Variants in NFILZ observed in about 807,000 individuals in gnomAD.
The protein encoded by NFILZ is NFIL3 like basic leucine zipper.
intron 3 of NFILZ, among the ~76,000 whole-genome samples, chr19:8,647,131 G>A (rs1339904381): frequency 6.6e-6 from 1 of 152,172 alleles, no homozygotes; most frequent in Non-Finnish European, 1.5e-5. Context: ...AGTTATGCAG[G>A]CAGCTAATAA....
chr19:8,645,996 G>C (rs2042937467), intron 3 of NFILZ, among the ~76,000 whole-genome samples: 1 of 152,160 alleles, frequency 6.6e-6, no homozygotes, highest in Non-Finnish European at 1.5e-5. Context: ...AATAATATGT[G>C]ACATTGTATA....
intron 3 of NFILZ, among the ~76,000 whole-genome samples, chr19:8,655,031 G>C (rs1475981428): frequency 1.3e-5 from 2 of 152,202 alleles, no homozygotes. Flanking sequence ...TTCTGCCTGG[G>C]ATGCCCTTTC....
intron 3 of NFILZ, among the ~76,000 whole-genome samples, chr19:8,654,167 G>A (rs2042981585): frequency 6.6e-6 from 1 of 152,118 alleles, no homozygotes; most frequent in African/African-American, 2.4e-5. Flanking sequence ...AGGTGGTGGA[G>A]GTTGCAGTGA....
At chr19:8,642,009 A>G (rs782508437) in intron 3 of NFILZ, among the ~76,000 whole-genome samples, 61 of 151,740 alleles carry the variant, frequency 4.0e-4, no homozygotes, top group Middle Eastern at 6.8e-3. Context: ...TTTTTTTTAC[A>G]TTTTATGTTT....
intron 3 of NFILZ, among the ~76,000 whole-genome samples, chr19:8,674,187 C>A (rs1297845629): frequency 6.6e-6 from 1 of 152,164 alleles, no homozygotes; most frequent in Non-Finnish European, 1.5e-5. Context: ...ACATGGTGGC[C>A]TCCTGAGCAC....
chr19:8,663,762 G>A (rs373092787), intron 3 of NFILZ, among the ~76,000 whole-genome samples: 92 of 137,714 alleles, frequency 6.7e-4, no homozygotes, highest in East Asian at 3.6e-3. Context: ...GTGTGTGTGT[G>A]TGTGTGTGTA....
At chr19:8,652,832 C>G (rs1327936878) in intron 3 of NFILZ, among the ~76,000 whole-genome samples, 2 of 145,090 alleles carry the variant, frequency 1.4e-5, no homozygotes, top group Non-Finnish European at 3.0e-5. Flanking sequence ...TTCTTTCTCA[C>G]TTTCTCTTTC....
chr19:8,645,709 G>C (rs1416845218), intron 3 of NFILZ, among the ~76,000 whole-genome samples: 1 of 152,132 alleles, frequency 6.6e-6, no homozygotes, highest in South Asian at 2.1e-4. Flanking sequence ...GGCAGTGACT[G>C]CTTTGTGGAC....
intron 3 of NFILZ, among the ~76,000 whole-genome samples, chr19:8,638,011 G>A (rs570021055): frequency 6.7e-6 from 1 of 149,100 alleles, no homozygotes; most frequent in Admixed American, 6.7e-5. Context: ...GGACTTCATA[G>A]ACCTTTCCCC....
In NFILZ at chr19:8,661,030, T is replaced by TCCCTTCCTTCCCC; in HGVS notation, c.-163-13520_-163-13519insCCTTCCTTCCCCC. 7.6e-5 allele frequency among the ~76,000 whole-genome samples: 2 copies of TCCCTTCCTTCCCC among 26,224 alleles called. 1 individual carries two copies. Among genetic ancestry groups the TCCCTTCCTTCCCC allele is most frequent in the African/African-American group, 3.3e-4 (2 of 6,148 alleles). The allele number at this position is 26,224 out of a possible 152,430, so 17.2% of individuals were successfully genotyped here. On this transcript the variant is annotated intron_variant, in intron 3 of 5. Coordinates refer to ENST00000691075, the MANE Select transcript of NFILZ (RefSeq NM_001378600.1). The stretch of plus-strand genomic sequence containing the variant: ...CCCTTCCCTTTCTTTCCTCCCTCCC[T>TCCCTTCCTTCCCC]CTCCCTCCCTTCCGTCCCCCTCCCT...
At chr19:8,658,465 A>G (rs1014593883) in intron 3 of NFILZ, among the ~76,000 whole-genome samples, 9 of 152,150 alleles carry the variant, frequency 5.9e-5, no homozygotes. Context: ...AAGTGAGGAT[A>G]ACAAAAAACA....
At chr19:8,672,284 A>G (rs1385840704) in intron 3 of NFILZ, among the ~76,000 whole-genome samples, 1 of 152,152 alleles carries the variant, frequency 6.6e-6, no homozygotes, top group Non-Finnish European at 1.5e-5. Flanking sequence ...AAAAAAATCC[A>G]TGCACTTATT....
At chr19:8,638,945 G>A (rs1555746381) in intron 3 of NFILZ, among the ~76,000 whole-genome samples, 2 of 151,388 alleles carry the variant, frequency 1.3e-5, no homozygotes, top group Admixed American at 1.3e-4. Flanking sequence ...CCGGGTTCAA[G>A]GGATCCTCCT....
Position 8,679,522 on chromosome 19 carries a change from G to A in NFILZ, c.*1887G>A, listed in dbSNP as rs1229035642. 6.6e-6 allele frequency among the ~76,000 whole-genome samples: 1 copy of A among 152,066 alleles called. No homozygotes were observed. The highest frequency in any genetic ancestry group is 1.5e-5 in the Non-Finnish European group (1 of 68,022). ...CTCCAAGTTTATCAGAGCCACAAAT[G>A]TGTGCAGGGTGAGGACGTACAAAGT... is the stretch of plus-strand genomic sequence containing the variant. On this transcript the variant is annotated 3_prime_UTR_variant, in exon 6 of 6. Transcript: ENST00000691075.
chr19:8,665,813 C>T (rs1223881680), intron 3 of NFILZ, among the ~76,000 whole-genome samples: 1 of 152,184 alleles, frequency 6.6e-6, no homozygotes, highest in Non-Finnish European at 1.5e-5. Flanking sequence ...ATGAGTATTT[C>T]CCTTGTAAGC....
chr19:8,647,835 A>C (rs2042948315), intron 3 of NFILZ, among the ~76,000 whole-genome samples: 1 of 137,626 alleles, frequency 7.3e-6, no homozygotes, highest in African/African-American at 2.7e-5. Flanking sequence ...ACACACACAC[A>C]CAACTGGGGC....
intron 3 of NFILZ, among the ~76,000 whole-genome samples, chr19:8,656,359 A>AAGCCCACCTTCTCCCTGC (rs2042997384): frequency 1.2e-5 from 1 of 83,718 alleles, no homozygotes; most frequent in Non-Finnish European, 2.8e-5. Context: ...CTCTTCCCTG[A>AAGCCCACCTTCTCCCTGC]AGCCCACCTT....
Position 8,658,020 on chromosome 19 carries a change from G to T in NFILZ, c.-163-16531G>T, listed in dbSNP as rs118127011. Among the ~76,000 whole-genome samples the T allele has an allele frequency of 8.5e-3, 1,288 of 152,268 alleles. 53 individuals carry two copies. Among genetic ancestry groups the T allele is most frequent in the Admixed American group, 0.062 (945 of 15,278 alleles). On this transcript the variant is annotated intron_variant, in intron 3 of 5. Coordinates refer to ENST00000691075, the MANE Select transcript of NFILZ (RefSeq NM_001378600.1). ...CCCTGGCGAGGGGGGAACAGAGAGGGTTACAGGCATTGGGAGAGAGGACCA... is the reference window on the plus strand; with the variant it reads ...CCCTGGCGAGGGGGGAACAGAGAGGTTTACAGGCATTGGGAGAGAGGACCA...
At position 8,663,748 on chromosome 19, in the gene NFILZ, G is replaced by GTGTATGTGTGTGTATGTGTGTGTGTA. The variant is rs1568423380; in HGVS notation, c.-163-10800_-163-10799insATGTGTGTGTATGTGTGTGTGTATGT. Among the ~76,000 whole-genome samples the GTGTATGTGTGTGTATGTGTGTGTGTA allele has an allele frequency of 9.3e-5, 13 of 139,376 alleles. 2 individuals carry two copies. Among genetic ancestry groups the GTGTATGTGTGTGTATGTGTGTGTGTA allele is most frequent in the African/African-American group, 3.4e-4 (12 of 35,456 alleles). The allele number at this position is 139,376 out of a possible 152,430, so 91.4% of individuals were successfully genotyped here. A position where few individuals can be genotyped will look rare whatever the true frequency, so the allele number is the denominator to read the frequency against. On this transcript the variant is annotated intron_variant, in intron 3 of 5. Transcript: ENST00000691075. ...TGTGTGTGTGTGTGTGTGTGTGTGTGTGTGTGTGTGTGTGTGTGTGTGTAT... is the reference window on the plus strand; with the variant it reads ...TGTGTGTGTGTGTGTGTGTGTGTGTGTGTATGTGTGTGTATGTGTGTGTGTATGTGTGTGTGTGTGTGTGTGTGTAT...
Sources: gnomAD v4.1 joint callset for allele counts (sites outside exome capture counted in the v4.1 genomes callset) on GRCh38, gnomAD v4.1.1 for gene constraint, MANE v1.5 for transcripts, NCBI Gene and HGNC (gene_info 2026-07-23, HGNC 2026-07-21) for gene names.